Variants in LAMC2 observed in about 807,000 individuals in gnomAD.
LAMC2 encodes laminin subunit gamma 2.
A neutral mutation model predicts 140.2 loss-of-function variants in LAMC2; 97 were observed. The observed-to-expected ratio is 0.69, with a 90% CI of 0.59 to 0.82. The LOEUF is 0.82. Ranked by LOEUF, LAMC2 falls within the 40% of genes least tolerant of loss-of-function variation. The pLI is 0.00. For missense variants in LAMC2, 1,402 were observed against 1,476.1 expected, an observed-to-expected ratio of 0.95 and a Z score of 0.82; for synonymous variants, 513 against 540.2, an observed-to-expected ratio of 0.95 and a Z score of 0.70.
chr1:183,227,467 T>A, intron 9 of LAMC2, 48 bp from the exon 10 acceptor site: 1 of 1,518,634 alleles, frequency 6.6e-7, no homozygotes, highest in South Asian at 1.1e-5. Context: ...AAATGTATTG[T>A]CTGACCCTGC....
chr1:183,206,607 T>C (rs1477561605), intron 1 of LAMC2, among the ~76,000 whole-genome samples: 1 of 147,234 alleles, frequency 6.8e-6, no homozygotes, highest in Non-Finnish European at 1.5e-5. Context: ...ATCATGCCAC[T>C]GCACTCCACA....
chr1:183,198,949 G>A (rs1281664636), intron 1 of LAMC2, among the ~76,000 whole-genome samples: 1 of 152,136 alleles, frequency 6.6e-6, no homozygotes, highest in East Asian at 1.9e-4. Context: ...ATCTCACCAT[G>A]GATTTTTTTG....
At chr1:183,245,646 C>T (rs912788357), downstream of LAMC2, among the ~76,000 whole-genome samples, 2 of 152,238 alleles carry the variant, frequency 1.3e-5, no homozygotes, top group African/African-American at 4.8e-5. Flanking sequence ...AAAACAATCA[C>T]ATCTGCCATG....
intron 11 of LAMC2, among the ~76,000 whole-genome samples, chr1:183,229,296 T>C (rs750846264): frequency 3.3e-5 from 5 of 152,192 alleles, no homozygotes; most frequent in Non-Finnish European, 7.3e-5. Context: ...CAGGCTGACC[T>C]TGGTGCCCAG....
intron 1 of LAMC2, among the ~76,000 whole-genome samples, chr1:183,196,379 C>T (rs1658516474): frequency 6.6e-6 from 1 of 152,192 alleles, no homozygotes; most frequent in Non-Finnish European, 1.5e-5. Flanking sequence ...TGAAGTGATT[C>T]ACCGGCCTCA....
intron 1 of LAMC2, among the ~76,000 whole-genome samples, chr1:183,203,935 A>T (rs1199810572): frequency 6.6e-6 from 1 of 152,086 alleles, no homozygotes; most frequent in African/African-American, 2.4e-5. Flanking sequence ...TGGAGGGGAG[A>T]TGCTGGCTAA....
chr1:183,223,795 T>C (rs756765560), intron 7 of LAMC2, among the ~76,000 whole-genome samples: 7 of 152,156 alleles, frequency 4.6e-5, no homozygotes, highest in Non-Finnish European at 1.0e-4. Flanking sequence ...AAGTCGGCGA[T>C]AGGAGTGCAG....
At chr1:183,237,253 G>C in intron 17 of LAMC2, 99 bp from the exon 18 acceptor site, 1 of 1,368,930 alleles carries the variant, frequency 7.3e-7, no homozygotes. Context: ...GGCTTCTTAA[G>C]GCTGTTGCTA....
At chr1:183,252,520 GT>G in the LAMC2 span, 2 of 783,742 alleles carry the variant, frequency 2.6e-6, no homozygotes, top group Non-Finnish European at 4.6e-6. Flanking sequence ...ACTATGGGGG[GT>G]TAAGTCAGCA....
intron 1 of LAMC2, among the ~76,000 whole-genome samples, chr1:183,187,808 A>G (rs1295789973): frequency 6.6e-6 from 1 of 152,232 alleles, no homozygotes; most frequent in African/African-American, 2.4e-5. Context: ...AAAAATGAGA[A>G]AATGAAAATG....
chr1:183,252,751 A>G, the LAMC2 span: 2 of 1,608,376 alleles, frequency 1.2e-6, no homozygotes, highest in Non-Finnish European at 1.7e-6. Context: ...AGCCTGCACA[A>G]GAAGAGATGA....
At chr1:183,208,900 C>T (rs567355057) in intron 2 of LAMC2, among the ~76,000 whole-genome samples, 105 of 151,596 alleles carry the variant, frequency 6.9e-4, no homozygotes, top group Middle Eastern at 3.5e-3. Flanking sequence ...AGGCTGGTCT[C>T]GAGTGCCTGA....
At chr1:183,207,228 C>T (rs1197112243) in intron 1 of LAMC2, among the ~76,000 whole-genome samples, 2 of 152,032 alleles carry the variant, frequency 1.3e-5, no homozygotes, top group African/African-American at 4.8e-5. Flanking sequence ...TTCCGTGTTT[C>T]GCTTCTTTGC....
chr1:183,215,031 C>T (rs1183820671), intron 2 of LAMC2, among the ~76,000 whole-genome samples: 3 of 152,146 alleles, frequency 2.0e-5, no homozygotes, highest in Non-Finnish European at 4.4e-5. Flanking sequence ...ACCACATAAG[C>T]ACTGACCCTT....
chr1:183,197,763 G>A (rs952048927), intron 1 of LAMC2, among the ~76,000 whole-genome samples: 4 of 150,988 alleles, frequency 2.6e-5, no homozygotes. Flanking sequence ...TGAGGATGAA[G>A]TTTGGGCCAA....
chr1:183,209,691 G>T (rs2102199900), intron 2 of LAMC2, among the ~76,000 whole-genome samples: 1 of 152,364 alleles, frequency 6.6e-6, no homozygotes, highest in South Asian at 2.1e-4. Context: ...TCATCCCAGT[G>T]AAATGATCAG....
chr1:183,232,414 A>C, intron 13 of LAMC2, 71 bp downstream of exon 13: 128 of 1,543,322 alleles, frequency 8.3e-5, no homozygotes, highest in Middle Eastern at 1.9e-4. Context: ...ACGTTAGGTC[A>C]TAGAATCTTC....
chr1:183,245,409 C>T (rs1660221152), downstream of LAMC2, among the ~76,000 whole-genome samples: 1 of 152,216 alleles, frequency 6.6e-6, no homozygotes, highest in Non-Finnish European at 1.5e-5. Flanking sequence ...CCCAATTACA[C>T]ATTCTACAGA....
chr1:183,186,581 TCC>T (rs2102155213), intron 1 of LAMC2, 150 bp downstream of exon 1: 1 of 184,872 alleles, frequency 5.4e-6, no homozygotes, highest in East Asian at 4.3e-4. Flanking sequence ...CTGGGGCTCC[TCC>T]AGAGACGGAT....
Sources: gnomAD v4.1 joint callset for allele counts (sites outside exome capture counted in the v4.1 genomes callset) on GRCh38, gnomAD v4.1.1 for gene constraint, MANE v1.5 for transcripts, NCBI Gene and HGNC (gene_info 2026-07-23, HGNC 2026-07-21) for gene names.